The following TAB2 variants were observed in gnomAD, a reference collection of about 807,000 sequenced individuals.
The protein encoded by TAB2 is TGF-beta activated kinase 1 (MAP3K7) binding protein 2, also known as TGF-beta-activated kinase 1 and MAP3K7-binding protein 2.
TAB2 carries 3 observed loss-of-function variants against 65.0 expected under a neutral mutation model. The ratio of observed to expected loss-of-function variants is 0.05; its 90% CI spans 0.02 to 0.12. The LOEUF (loss-of-function observed/expected upper bound fraction) is 0.12, where lower values mean the gene tolerates loss of function less well. TAB2 is among the 10% of genes least tolerant of loss of function. The pLI, the probability that TAB2 is intolerant of heterozygous loss-of-function variation, is 1.00. For synonymous variants in TAB2, 298 were observed against 285.1 expected, an observed-to-expected ratio of 1.05 and a Z score of -0.46; for missense variants, 623 against 840.3, an observed-to-expected ratio of 0.74 and a Z score of 3.20.
chr6:149,269,615 C>T (rs573613963), intron 1 of TAB2, among the ~76,000 whole-genome samples: 2 of 152,298 alleles, frequency 1.3e-5, no homozygotes, highest in South Asian at 2.1e-4. Flanking sequence ...TACCCCAGCC[C>T]CTGGCAACCA....
chr6:149,317,896 C>CGGCGGCGGCGCT lies in TAB2; in HGVS notation c.-199_-188dup, dbSNP rs1205899963. 5.9e-6 allele frequency: 1 copy of CGGCGGCGGCGCT among 170,320 alleles called. No individual in the cohort carries two copies. Among genetic ancestry groups the CGGCGGCGGCGCT allele is most frequent in the Non-Finnish European group, 1.2e-5 (1 of 80,734 alleles). The allele number at this position is 170,320 out of a possible 1,614,324, so 10.6% of individuals were successfully genotyped here. A position where few individuals can be genotyped will look rare whatever the true frequency, so the allele number is the denominator to read the frequency against. On this transcript the variant is annotated 5_prime_UTR_variant, in exon 1 of 7. Coordinates refer to ENST00000637181, the MANE Select transcript of TAB2 (RefSeq NM_001292034.3). This position sits in a 1 kb window ranked among gnomAD's most constrained non-coding sequence, Gnocchi z 4.7. ...CCCCCCTGCCGGGTGGAACCGGAGG[C>CGGCGGCGGCGCT]GGCGGCGGCGCTGGCGGCGGCCGTG...
Position 149,409,113 on chromosome 6 carries a change from T to G in TAB2, c.1940-464T>G, listed in dbSNP as rs537646502. Reference sequence around the variant, plus strand: ...TTATTTGTGTCATCCAAGGCTTACATTTTTGGCAGATGGAGAACATGAATT... The same window carrying G: ...TTATTTGTGTCATCCAAGGCTTACAGTTTTGGCAGATGGAGAACATGAATT... On this transcript the variant is annotated intron_variant, in intron 6 of 6. Coordinates refer to ENST00000637181, the MANE Select transcript of TAB2 (RefSeq NM_001292034.3). Among the ~76,000 whole-genome samples the G allele has an allele frequency of 5.3e-5, 8 of 152,308 alleles. No homozygotes were observed. In the East Asian group the frequency reaches 9.6e-4, roughly 18 times the overall value.
intron 3 of TAB2, among the ~76,000 whole-genome samples, chr6:149,389,679 CT>C (rs113025291): frequency 0.12 from 17,916 of 148,236 alleles, 1,658 homozygotes; most frequent in East Asian, 0.52. Flanking sequence ...ATAAACCTTT[CT>C]AAGCCATAAT....
intron 1 of TAB2, among the ~76,000 whole-genome samples, chr6:149,348,738 TAGATCACCTGAGGTCAGG>T (rs920850276): frequency 1.3e-5 from 2 of 151,306 alleles, no homozygotes; most frequent in African/African-American, 4.9e-5. Context: ...ACGAGGCAGG[TAGATCACCTGAGGTCAGG>T]AGTTCGAGAC....
intron 1 of TAB2, among the ~76,000 whole-genome samples, chr6:149,228,794 C>T (rs1034513824): frequency 6.6e-6 from 1 of 152,212 alleles, no homozygotes; most frequent in Non-Finnish European, 1.5e-5. Flanking sequence ...ATCACATGGG[C>T]CTGTAAGAAC....
At chr6:149,358,399 CAA>C (rs1780738368) in intron 1 of TAB2, among the ~76,000 whole-genome samples, 1 of 152,164 alleles carries the variant, frequency 6.6e-6, no homozygotes, top group Non-Finnish European at 1.5e-5. Flanking sequence ...CTGTTGAACT[CAA>C]AAAGTTTCCA....
intron 1 of TAB2, among the ~76,000 whole-genome samples, chr6:149,271,734 T>C (rs556209651): frequency 5.9e-5 from 9 of 152,126 alleles, no homozygotes; most frequent in Non-Finnish European, 1.2e-4. Context: ...CACATAGCAG[T>C]CCAGCATAGA....
At chr6:149,302,408 T>G (rs1483078681) in intron 1 of TAB2, among the ~76,000 whole-genome samples, 1 of 152,212 alleles carries the variant, frequency 6.6e-6, no homozygotes, top group East Asian at 1.9e-4. Flanking sequence ...ATATGAATAT[T>G]TTATGGCTTG....
intron 1 of TAB2, among the ~76,000 whole-genome samples, chr6:149,233,018 T>G (rs1017692833): frequency 1.4e-4 from 22 of 152,172 alleles, no homozygotes; most frequent in African/African-American, 5.1e-4. Context: ...CAGGGCATAG[T>G]ACATAATAGC....
intron 6 of TAB2, chr6:149,400,748 G>C: frequency 2.6e-6 from 4 of 1,534,190 alleles, no homozygotes; most frequent in Non-Finnish European, 3.5e-6. Context: ...TTCTCAATTA[G>C]AAAACTGCAA....
chr6:149,293,932 TAG>T, intron 1 of TAB2, among the ~76,000 whole-genome samples: 1 of 152,160 alleles, frequency 6.6e-6, no homozygotes. Flanking sequence ...AGATAGAGAC[TAG>T]AGAGTATCAA....
chr6:149,356,653 A>G (rs1780661714), intron 1 of TAB2, among the ~76,000 whole-genome samples: 1 of 151,976 alleles, frequency 6.6e-6, no homozygotes, highest in South Asian at 2.1e-4. Context: ...AAACCTGATC[A>G]CCTCCCAATA....
intron 1 of TAB2, among the ~76,000 whole-genome samples, chr6:149,365,415 G>A (rs1194310716): frequency 1.3e-5 from 2 of 152,192 alleles, no homozygotes; most frequent in East Asian, 1.9e-4. Context: ...TAGTATGTGG[G>A]TTGATTGACA....
intron 1 of TAB2, among the ~76,000 whole-genome samples, chr6:149,286,809 A>C (rs995401584): frequency 2.0e-5 from 3 of 152,206 alleles, no homozygotes; most frequent in African/African-American, 7.2e-5. Context: ...AGGGGAAAAA[A>C]GGAGACTTAA....
At chr6:149,324,417 A>G (rs2114735438) in intron 1 of TAB2, among the ~76,000 whole-genome samples, 1 of 152,260 alleles carries the variant, frequency 6.6e-6, no homozygotes, top group African/African-American at 2.4e-5. Flanking sequence ...TATTATTTTG[A>G]ATTTTAGCTT....
intron 1 of TAB2, among the ~76,000 whole-genome samples, chr6:149,302,838 G>A (rs573425334): frequency 6.6e-6 from 1 of 152,348 alleles, no homozygotes; most frequent in East Asian, 1.9e-4. Flanking sequence ...GCCAGTACTG[G>A]TCTGGAGGCT....
chr6:149,279,837 G>A (rs1055209741), intron 1 of TAB2, among the ~76,000 whole-genome samples: 5 of 152,138 alleles, frequency 3.3e-5, no homozygotes, highest in African/African-American at 7.2e-5. Flanking sequence ...AACTGAACTT[G>A]TTTTTCTTAT....
At chr6:149,275,139 T>TTTTATTTTGAGTTGGAGTCTTGCTA (rs1554255795) in intron 1 of TAB2, among the ~76,000 whole-genome samples, 1 of 113,480 alleles carries the variant, frequency 8.8e-6, no homozygotes, top group African/African-American at 3.6e-5. Flanking sequence ...TTTTTTTTTT[T>TTTTATTTTGAGTTGGAGTCTTGCTA]TTTTGAGTTG....
At position 149,284,780 on chromosome 6, in the gene TAB2, A is replaced by ATT. The variant is rs745410452; in HGVS notation, c.-121+66004_-121+66005insTT. On this transcript the variant is annotated intron_variant, in intron 1 of 1. Coordinates refer to the TAB2 transcript ENST00000606202. ...CCATCTAGCTGCTACACTGCTAGAAAAACTACCCTAAATTAACATCTAAAG... is the reference window on the plus strand; with the variant it reads ...CCATCTAGCTGCTACACTGCTAGAAATTAACTACCCTAAATTAACATCTAAAG... Among the ~76,000 whole-genome samples, 346 of 152,306 alleles carry ATT rather than the reference A, an allele frequency of 2.3e-3. 1 individual carries two copies. The highest frequency in any genetic ancestry group is 2.2e-3 in the Non-Finnish European group (152 of 68,014).
Sources: allele counts gnomAD v4.1 joint callset (sites outside exome capture counted in the v4.1 genomes callset), GRCh38; gene constraint gnomAD v4.1.1; non-coding constraint Gnocchi (gnomAD v3.1); transcripts MANE v1.5; gene names NCBI Gene and HGNC (gene_info 2026-07-23, HGNC 2026-07-21).